Variants in IMMP2L observed in about 807,000 individuals in gnomAD.
IMMP2L encodes inner mitochondrial membrane peptidase subunit 2, also known as mitochondrial inner membrane protease subunit 2.
Under a neutral mutation model 19.3 loss-of-function variants are expected in IMMP2L, and 18 were observed. The observed-to-expected ratio is 0.93, with a 90% CI of 0.64 to 1.38. IMMP2L has a LOEUF of 1.38. Ranked by LOEUF, IMMP2L falls within the 40% of genes most tolerant of loss-of-function variation. The pLI, the probability that IMMP2L is intolerant of heterozygous loss-of-function variation, is 0.00. For missense variants in IMMP2L, 233 were observed against 218.2 expected (o/e 1.07, Z -0.43); for synonymous variants, 76 against 73.0 (o/e 1.04, Z -0.21).
chr7:110,970,285 A>T (rs551981206), intron 3 of IMMP2L, among the ~76,000 whole-genome samples: 86 of 152,146 alleles, frequency 5.7e-4, no homozygotes, highest in Non-Finnish European at 1.1e-3. Context: ...CAGTTTGTTA[A>T]CTCAAGCATT....
rs1814615061 is a variant in IMMP2L at position 110,924,328 on chromosome 7, C to T, written c.306-37633G>A. 6.6e-6 allele frequency among the ~76,000 whole-genome samples: 1 copy of T among 151,982 alleles called. No individual in the cohort carries two copies. The highest frequency in any genetic ancestry group is 1.5e-5 in the Non-Finnish European group (1 of 67,988). ...CAGATAAAAGGGTGTGGATAGGGAT[C>T]GGGATTTATTTTTGTTTCTCTTCTA... On this transcript the variant is annotated intron_variant, in intron 4 of 5. Transcript: ENST00000405709. The surrounding 1 kb of genome is among the most constrained non-coding windows in gnomAD (Gnocchi z 4.2).
intron 3 of IMMP2L, among the ~76,000 whole-genome samples, chr7:111,421,270 T>TTTC (rs1554492214): frequency 4.2e-5 from 5 of 120,036 alleles, no homozygotes; most frequent in African/African-American, 1.7e-4. Context: ...TTTTTTTCTT[T>TTTC]TTTTTTTTTT....
chr7:111,296,237 A>T (rs1821623576), intron 3 of IMMP2L, among the ~76,000 whole-genome samples: 1 of 151,982 alleles, frequency 6.6e-6, no homozygotes, highest in African/African-American at 2.4e-5. Context: ...TACTTCACAA[A>T]AGAAGATGGT....
At chr7:111,267,181 G>A (rs868330874) in intron 3 of IMMP2L, among the ~76,000 whole-genome samples, 26 of 151,888 alleles carry the variant, frequency 1.7e-4, no homozygotes, top group Middle Eastern at 3.2e-3. Context: ...CAAGCTGTGG[G>A]GTTGATAATC....
At chr7:111,473,213 T>C (rs1841423213) in intron 3 of IMMP2L, among the ~76,000 whole-genome samples, 1 of 152,096 alleles carries the variant, frequency 6.6e-6, no homozygotes, top group Admixed American at 6.6e-5. Flanking sequence ...ATGCACAGGG[T>C]GACTATGCTT....
intron 5 of IMMP2L, among the ~76,000 whole-genome samples, chr7:110,684,918 C>G (rs1281751689): frequency 6.6e-6 from 1 of 152,066 alleles, no homozygotes; most frequent in Non-Finnish European, 1.5e-5. Flanking sequence ...TCCAGTGCTA[C>G]CTGGCATTTG....
At chr7:111,260,963 T>C (rs932250161) in intron 3 of IMMP2L, among the ~76,000 whole-genome samples, 1 of 152,032 alleles carries the variant, frequency 6.6e-6, no homozygotes, top group Non-Finnish European at 1.5e-5. Flanking sequence ...AAAAACATGA[T>C]GTTTGAAATG....
intron 3 of IMMP2L, among the ~76,000 whole-genome samples, chr7:111,279,253 AT>A (rs1198418797): frequency 6.6e-6 from 1 of 152,212 alleles, no homozygotes; most frequent in Non-Finnish European, 1.5e-5. Context: ...TCTTAGCCTG[AT>A]TCAAAAAGCT....
chr7:110,697,148 C>A (rs952352989), intron 5 of IMMP2L, among the ~76,000 whole-genome samples: 3 of 152,140 alleles, frequency 2.0e-5, no homozygotes, highest in African/African-American at 7.2e-5. Context: ...CCTAGACTCA[C>A]AATCAGGGAA....
At chr7:111,447,850 A>G (rs1418070933) in intron 3 of IMMP2L, among the ~76,000 whole-genome samples, 7 of 151,306 alleles carry the variant, frequency 4.6e-5, no homozygotes, top group South Asian at 2.1e-4. Context: ...TCAAAATAAA[A>G]GGATGGAAGA....
intron 3 of IMMP2L, among the ~76,000 whole-genome samples, chr7:111,270,049 ATGTGTGTCTGTGTGTGTGTGTGTGTGTG>A (rs1401061727): frequency 8.3e-5 from 11 of 132,988 alleles, no homozygotes; most frequent in African/African-American, 3.3e-4. Context: ...GTGTGCATGC[ATGTGTGTCTGTGTGTGTGTGTGTGTGTG>A]TGTGTGTGTG....
intron 4 of IMMP2L, among the ~76,000 whole-genome samples, chr7:110,947,392 C>T (rs779823274): frequency 1.3e-5 from 2 of 152,132 alleles, no homozygotes; most frequent in African/African-American, 4.8e-5. Context: ...CAATTACCAT[C>T]ATGCAGTAAA....
chr7:111,015,175 T>C (rs1456551534), intron 3 of IMMP2L, among the ~76,000 whole-genome samples: 1 of 152,130 alleles, frequency 6.6e-6, no homozygotes, highest in Non-Finnish European at 1.5e-5. Flanking sequence ...ACCAGAAGAA[T>C]GGACAAACAA....
intron 3 of IMMP2L, among the ~76,000 whole-genome samples, chr7:111,113,100 A>G (rs1448139654): frequency 6.6e-6 from 1 of 152,296 alleles, no homozygotes; most frequent in East Asian, 1.9e-4. Context: ...GTTCCTTCAG[A>G]GTAATGTTCC....
At chr7:111,095,728 G>C (rs1380936221) in intron 3 of IMMP2L, among the ~76,000 whole-genome samples, 1 of 151,936 alleles carries the variant, frequency 6.6e-6, no homozygotes. Context: ...ATTCTGAAGA[G>C]GCTTTCCACA....
At chr7:110,721,147 C>T (rs904567359) in intron 5 of IMMP2L, among the ~76,000 whole-genome samples, 5 of 151,898 alleles carry the variant, frequency 3.3e-5, no homozygotes, top group Admixed American at 1.3e-4. Flanking sequence ...AGAGTAGCTT[C>T]GTACACTGAC....
At chr7:111,507,574 C>T (rs1365041108) in intron 2 of IMMP2L, among the ~76,000 whole-genome samples, 1 of 152,158 alleles carries the variant, frequency 6.6e-6, no homozygotes, top group Non-Finnish European at 1.5e-5. Flanking sequence ...CGTCTGCCAA[C>T]ACTCCCCTCA....
intron 3 of IMMP2L, among the ~76,000 whole-genome samples, chr7:111,302,896 C>A (rs1453274813): frequency 6.6e-6 from 1 of 152,052 alleles, no homozygotes; most frequent in Non-Finnish European, 1.5e-5. Context: ...GCTACCACAT[C>A]CCTGGTTTTA....
chr7:111,068,269 T>C (rs1794676128), intron 3 of IMMP2L, among the ~76,000 whole-genome samples: 1 of 152,104 alleles, frequency 6.6e-6, no homozygotes, highest in Admixed American at 6.5e-5. Context: ...TTTGCAAAAA[T>C]ATTTGTGACT....
Sources: gnomAD v4.1 joint callset for allele counts (sites outside exome capture counted in the v4.1 genomes callset) on GRCh38, gnomAD v4.1.1 for gene constraint, Gnocchi (gnomAD v3.1) non-coding constraint, MANE v1.5 for transcripts, NCBI Gene and HGNC (gene_info 2026-07-23, HGNC 2026-07-21) for gene names.